The following PPP2R2B variants were observed in gnomAD, a reference collection of about 807,000 sequenced individuals.
PPP2R2B encodes serine/threonine-protein phosphatase 2A 55 kDa regulatory subunit B beta isoform.
Under a neutral mutation model 46.0 loss-of-function variants are expected in PPP2R2B, and 5 were observed. That is an observed-to-expected ratio of 0.11 (90% CI 0.06 to 0.23). The LOEUF is 0.23. PPP2R2B is among the 10% of genes least tolerant of loss of function. The pLI, the probability that PPP2R2B is intolerant of heterozygous loss-of-function variation, is 1.00. For missense variants in PPP2R2B, 367 were observed against 575.0 expected, an observed-to-expected ratio of 0.64 and a Z score of 3.70; for synonymous variants, 215 against 206.7, an observed-to-expected ratio of 1.04 and a Z score of -0.34.
chr5:147,033,973 CA>C (rs1284546458), intron 1 of PPP2R2B, among the ~76,000 whole-genome samples: 1 of 152,114 alleles, frequency 6.6e-6, no homozygotes, highest in African/African-American at 2.4e-5. Context: ...CTTTAAACTG[CA>C]AAGGTTTCCT....
chr5:146,674,352 C>T (rs868673792), intron 5 of PPP2R2B, among the ~76,000 whole-genome samples: 1 of 152,142 alleles, frequency 6.6e-6, no homozygotes, highest in African/African-American at 2.4e-5. Flanking sequence ...TCTCCCATGA[C>T]GATTTCAACT....
Position 147,035,273 on chromosome 5 carries a change from T to A in PPP2R2B, c.79+20392A>T, listed in dbSNP as rs1192584994. The A allele has an allele frequency of 8.0e-6, 3 of 373,192 alleles. No individual in the cohort carries two copies. The Admixed American group carries it at 9.8e-5, about 12-fold the overall frequency. The allele number at this position is 373,192 out of a possible 1,614,324, so 23.1% of individuals were successfully genotyped here. A position where few individuals can be genotyped will look rare whatever the true frequency, so the allele number is the denominator to read the frequency against. On this transcript the variant is annotated intron_variant, in intron 1 of 8. Coordinates refer to the PPP2R2B transcript ENST00000336640. ...GGTAGCAGGAGAGAAAGAGAGAGAG[T>A]GAGGGGAGAAGGTGCCACACTTTTC...
chr5:146,694,993 T>C (rs1383796125), intron 4 of PPP2R2B, among the ~76,000 whole-genome samples: 1 of 152,088 alleles, frequency 6.6e-6, no homozygotes, highest in Non-Finnish European at 1.5e-5. Flanking sequence ...TAGTGAGAAT[T>C]TGTTAACAGC....
intron 1 of PPP2R2B, among the ~76,000 whole-genome samples, chr5:146,961,686 A>G (rs184186674): frequency 4.6e-5 from 7 of 152,276 alleles, no homozygotes; most frequent in Non-Finnish European, 8.8e-5. Flanking sequence ...ACCCATTTTT[A>G]TAGCCTGAAA....
intron 6 of PPP2R2B, among the ~76,000 whole-genome samples, chr5:146,641,267 C>A (rs1478382548): frequency 6.6e-6 from 1 of 152,134 alleles, no homozygotes; most frequent in Admixed American, 6.5e-5. Flanking sequence ...GGGATTTGAA[C>A]CCAAGCTTGT....
intron 2 of PPP2R2B, among the ~76,000 whole-genome samples, chr5:146,717,994 G>A (rs1383109673): frequency 1.3e-5 from 2 of 151,904 alleles, no homozygotes; most frequent in Non-Finnish European, 1.5e-5. Flanking sequence ...TTTCTTTAAT[G>A]CATCTACCAT....
At chr5:146,695,697 A>G (rs1779137525) in intron 4 of PPP2R2B, among the ~76,000 whole-genome samples, 1 of 152,142 alleles carries the variant, frequency 6.6e-6, no homozygotes, top group Non-Finnish European at 1.5e-5. Flanking sequence ...TTAATGAGTA[A>G]TGACTTTTTC....
chr5:146,890,079 A>G (rs986518395), intron 1 of PPP2R2B, among the ~76,000 whole-genome samples: 1 of 152,188 alleles, frequency 6.6e-6, no homozygotes, highest in Non-Finnish European at 1.5e-5. Context: ...CATATGCACC[A>G]CTTTTTCTTA....
chr5:146,780,397 T>C (rs1401114951), intron 2 of PPP2R2B, among the ~76,000 whole-genome samples: 1 of 152,216 alleles, frequency 6.6e-6, no homozygotes, highest in Non-Finnish European at 1.5e-5. Flanking sequence ...GAACCAATGT[T>C]TGCTGAATGC....
At chr5:146,886,135 G>T (rs1057123295) in intron 1 of PPP2R2B, among the ~76,000 whole-genome samples, 1 of 151,998 alleles carries the variant, frequency 6.6e-6, no homozygotes, top group African/African-American at 2.4e-5. Context: ...TCAGGAGATC[G>T]AGACCACCCT....
intron 2 of PPP2R2B, among the ~76,000 whole-genome samples, chr5:146,835,146 C>T (rs780861861): frequency 9.9e-5 from 15 of 151,906 alleles, no homozygotes; most frequent in Non-Finnish European, 1.6e-4. Context: ...AAAATAATCT[C>T]GAAGATTTAT....
chr5:146,875,913 A>G (rs1450631407), intron 2 of PPP2R2B, among the ~76,000 whole-genome samples: 1 of 152,230 alleles, frequency 6.6e-6, no homozygotes, highest in Non-Finnish European at 1.5e-5. Flanking sequence ...ACAAAATTGC[A>G]TGAATCTTCC....
intron 1 of PPP2R2B, among the ~76,000 whole-genome samples, chr5:146,946,839 T>C (rs1030761559): frequency 6.6e-6 from 1 of 151,974 alleles, no homozygotes; most frequent in African/African-American, 2.4e-5. Flanking sequence ...ACTTCCCTTC[T>C]AAAGTGGCTG....
rs369635747 is a variant in PPP2R2B, at chr5:146,680,759, C to G, written c.447+10369G>C. Among the ~76,000 whole-genome samples, 6 of 152,276 alleles carry G rather than the reference C, an allele frequency of 3.9e-5. 1 individual carries two copies. The highest frequency in any genetic ancestry group is 2.4e-5 in the African/African-American group (1 of 41,552). Reference sequence around the variant, plus strand: ...AAAAGAAAATAAACTCATCTGATCACAACAACAAATTACAAGAGCATGACC... The same window carrying G: ...AAAAGAAAATAAACTCATCTGATCAGAACAACAAATTACAAGAGCATGACC... On this transcript the variant is annotated intron_variant, in intron 5 of 9. Transcript: ENST00000394411.
chr5:146,753,511 A>G (rs1231586738), intron 2 of PPP2R2B, among the ~76,000 whole-genome samples: 1 of 152,194 alleles, frequency 6.6e-6, no homozygotes, highest in Admixed American at 6.5e-5. Flanking sequence ...GAACTAGGCC[A>G]GTTCCTTTTG....
chr5:146,672,414 C>T (rs372005387), intron 5 of PPP2R2B, among the ~76,000 whole-genome samples: 2 of 151,766 alleles, frequency 1.3e-5, no homozygotes, highest in Non-Finnish European at 2.9e-5. Context: ...AGGGAAGGGG[C>T]TCAAAGGGTT....
chr5:146,969,683 C>T (rs1318466396), intron 1 of PPP2R2B, among the ~76,000 whole-genome samples: 1 of 152,140 alleles, frequency 6.6e-6, no homozygotes, highest in African/African-American at 2.4e-5. Context: ...GGAGGTTGTG[C>T]CTGCTGGACA....
chr5:146,669,646 A>T (rs1777216399), intron 5 of PPP2R2B, among the ~76,000 whole-genome samples: 1 of 152,150 alleles, frequency 6.6e-6, no homozygotes. Context: ...TGCCACTTTA[A>T]TGACCCTTTA....
intron 1 of PPP2R2B, among the ~76,000 whole-genome samples, chr5:147,022,788 T>C (rs1366292737): frequency 6.6e-6 from 1 of 151,522 alleles, no homozygotes; most frequent in East Asian, 1.9e-4. Context: ...GAGCAAACCA[T>C]AAGATAATGG....
Sources: allele counts gnomAD v4.1 joint callset (sites outside exome capture counted in the v4.1 genomes callset), GRCh38; gene constraint gnomAD v4.1.1; transcripts MANE v1.5; gene names NCBI Gene and HGNC (gene_info 2026-07-23, HGNC 2026-07-21).